SGCD: variants seen among roughly 807,000 people sequenced by gnomAD.
The protein encoded by SGCD is sarcoglycan delta, also known as delta-sarcoglycan.
SGCD carries 18 observed loss-of-function variants against 36.6 expected under a neutral mutation model. The observed-to-expected ratio is 0.49, with a 90% CI of 0.34 to 0.73. SGCD has a LOEUF of 0.73. Among genes scored for constraint, SGCD ranks in the 30% least tolerant of loss-of-function variants. The pLI is 0.01. For synonymous variants in SGCD, 133 were observed against 130.6 expected (o/e 1.02, Z -0.12); for missense variants, 387 against 346.7 (o/e 1.12, Z -0.92).
chr5:156,748,423 C>T (rs1262447209), intron 7 of SGCD, among the ~76,000 whole-genome samples: 1 of 152,094 alleles, frequency 6.6e-6, no homozygotes, highest in African/African-American at 2.4e-5. Flanking sequence ...CCTCTAAAAA[C>T]ATAATAGAAT....
intron 1 of SGCD, among the ~76,000 whole-genome samples, chr5:155,954,059 C>T (rs1757596802): frequency 6.6e-6 from 1 of 152,110 alleles, no homozygotes; most frequent in Non-Finnish European, 1.5e-5. Flanking sequence ...GAAAATAGAC[C>T]AATTTCACAA....
At chr5:156,382,339 C>T (rs987050963) in intron 3 of SGCD, among the ~76,000 whole-genome samples, 1 of 152,152 alleles carries the variant, frequency 6.6e-6, no homozygotes, top group Non-Finnish European at 1.5e-5. Flanking sequence ...CCTGTAGAAG[C>T]TCACTCATGT....
intron 3 of SGCD, among the ~76,000 whole-genome samples, chr5:156,305,059 C>A (rs1043217067): frequency 3.3e-5 from 5 of 152,166 alleles, no homozygotes; most frequent in Non-Finnish European, 1.5e-5. Flanking sequence ...AGAAAATTTG[C>A]AGCCTGACAA....
chr5:156,748,846 G>A (rs879287697), intron 7 of SGCD, among the ~76,000 whole-genome samples: 3 of 152,106 alleles, frequency 2.0e-5, no homozygotes, highest in Non-Finnish European at 4.4e-5. Context: ...AGCCTGGAGT[G>A]CAGTGGTGTG....
At position 156,722,031 on chromosome 5, in the gene SGCD, T is replaced by C. The variant is rs74570822; in HGVS notation, c.576-35550T>C. 7.5e-3 allele frequency among the ~76,000 whole-genome samples: 1,140 copies of C among 152,310 alleles called. 10 individuals are homozygous for C. Among genetic ancestry groups the C allele is most frequent in the African/African-American group, 0.025 (1,037 of 41,574 alleles). On this transcript the variant is annotated intron_variant, in intron 7 of 8. Coordinates refer to ENST00000337851, the MANE Select transcript of SGCD (RefSeq NM_000337.6). ...CATGATCAGTCGCAGAAATAATGAT[T>C]ATTTCTTGAATGACTGTGATCTCTA...
chr5:155,795,557 A>G, the SGCD span, among the ~76,000 whole-genome samples: 1 of 152,210 alleles, frequency 6.6e-6, no homozygotes, highest in African/African-American at 2.4e-5. Flanking sequence ...AAAAAATAAT[A>G]GAAAACATTT....
intron 3 of SGCD, among the ~76,000 whole-genome samples, chr5:156,129,655 A>G (rs1238425986): frequency 2.0e-5 from 3 of 152,122 alleles, no homozygotes; most frequent in African/African-American, 7.2e-5. Context: ...TCCACCCTCA[A>G]GTACACACCA....
chr5:155,754,759 G>T, the SGCD span, among the ~76,000 whole-genome samples: 13 of 152,188 alleles, frequency 8.5e-5, no homozygotes, highest in Admixed American at 5.9e-4. Flanking sequence ...TTTATAACTG[G>T]AAGTTTATTG....
chr5:156,490,773 G>A (rs553311029), intron 3 of SGCD, among the ~76,000 whole-genome samples: 6 of 152,098 alleles, frequency 3.9e-5, no homozygotes, highest in Non-Finnish European at 7.4e-5. Context: ...AAAGCTGAAA[G>A]CCTTTCCTGT....
intron 3 of SGCD, among the ~76,000 whole-genome samples, chr5:156,457,916 T>G (rs1754326986): frequency 6.6e-6 from 1 of 152,190 alleles, no homozygotes; most frequent in Admixed American, 6.5e-5. Context: ...ATAACCTAGC[T>G]GAGTGACTTT....
intron 3 of SGCD, among the ~76,000 whole-genome samples, chr5:156,403,192 C>G (rs1018354250): frequency 2.6e-5 from 4 of 152,114 alleles, no homozygotes; most frequent in African/African-American, 9.7e-5. Flanking sequence ...GAGGAAAAGT[C>G]ACAGCAGTGC....
chr5:156,184,070 A>G (rs1413512546), intron 3 of SGCD, among the ~76,000 whole-genome samples: 1 of 152,248 alleles, frequency 6.6e-6, no homozygotes, highest in Non-Finnish European at 1.5e-5. Flanking sequence ...AAACATCCTC[A>G]GAACACTTAC....
intron 1 of SGCD, among the ~76,000 whole-genome samples, chr5:156,081,877 A>G (rs1760963717): frequency 6.6e-6 from 1 of 152,144 alleles, no homozygotes; most frequent in African/African-American, 2.4e-5. Context: ...TTGCCCCACT[A>G]TGCAAATGGG....
At position 156,706,670 on chromosome 5, in the gene SGCD, C is replaced by T. The variant is rs75231081; in HGVS notation, c.576-50911C>T. On this transcript the variant is annotated intron_variant, in intron 7 of 8. Transcript: ENST00000337851. ...TATATGTTCCCTCAGCAATCAGAGT[C>T]CCCAGAATTACCTGGAGGAATCAAT... 5.7e-3 allele frequency among the ~76,000 whole-genome samples: 862 copies of T among 152,194 alleles called. 14 individuals are homozygous for T. The highest frequency in any genetic ancestry group is 0.02 in the African/African-American group (811 of 41,522).
chr5:156,363,083 T>C (rs1769895507), intron 3 of SGCD, among the ~76,000 whole-genome samples: 1 of 152,234 alleles, frequency 6.6e-6, no homozygotes, highest in East Asian at 1.9e-4. Context: ...AATGCTTATA[T>C]GGTTTAGTTT....
chr5:155,928,369 T>C (rs190310645), intron 1 of SGCD, among the ~76,000 whole-genome samples: 1 of 152,206 alleles, frequency 6.6e-6, no homozygotes, highest in African/African-American at 2.4e-5. Context: ...TTTACTCTTT[T>C]AAAGAAAAGT....
chr5:156,016,984 C>G (rs191439495), intron 1 of SGCD, among the ~76,000 whole-genome samples: 2 of 152,156 alleles, frequency 1.3e-5, no homozygotes, highest in African/African-American at 4.8e-5. Flanking sequence ...TGCATATTCT[C>G]TTCTGTTGGG....
chr5:156,203,407 G>T (rs1764198243), intron 3 of SGCD, among the ~76,000 whole-genome samples: 1 of 152,136 alleles, frequency 6.6e-6, no homozygotes, highest in African/African-American at 2.4e-5. Context: ...CGATATTTGA[G>T]ATTGATGAAT....
chr5:156,203,889 T>C (rs1229157287), intron 3 of SGCD, among the ~76,000 whole-genome samples: 1 of 152,102 alleles, frequency 6.6e-6, no homozygotes, highest in African/African-American at 2.4e-5. Context: ...TGAGTTTGTA[T>C]GACTGGGAAT....
Sources: allele counts gnomAD v4.1 joint callset (sites outside exome capture counted in the v4.1 genomes callset), GRCh38; gene constraint gnomAD v4.1.1; transcripts MANE v1.5; gene names NCBI Gene and HGNC (gene_info 2026-07-23, HGNC 2026-07-21).